Variants in DMD observed in about 807,000 individuals in gnomAD.
DMD encodes mutant dystrophin.
In DMD, 63 loss-of-function variants were observed where a neutral mutation model predicts 330.1. The ratio of observed to expected loss-of-function variants is 0.19; its 90% CI spans 0.16 to 0.24. DMD has a LOEUF of 0.24. Ranked by LOEUF, DMD falls within the 10% of genes least tolerant of loss-of-function variation. DMD has a pLI of 1.00. For synonymous variants in DMD, 1,223 were observed against 959.8 expected, an observed-to-expected ratio of 1.27 and a Z score of -5.07; for missense variants, 3,344 against 2,684.1, an observed-to-expected ratio of 1.25 and a Z score of -5.43.
At chrX:32,295,275 A>G (rs775974944) in intron 42 of DMD, among the ~76,000 whole-genome samples, 29 of 112,149 alleles carry the variant, frequency 2.6e-4, no homozygotes, top group African/African-American at 9.4e-4. Context: ...GGATATTTGC[A>G]TCTCTGATTC....
At chrX:32,657,845 G>A (rs1448310896) in intron 9 of DMD, among the ~76,000 whole-genome samples, 3 of 111,013 alleles carry the variant, frequency 2.7e-5, no homozygotes, top group African/African-American at 9.8e-5. Context: ...ACGTCTCATG[G>A]AAAAACACCA....
chrX:31,758,548 C>G (rs923826316), intron 51 of DMD, among the ~76,000 whole-genome samples: 1 of 111,286 alleles, frequency 9.0e-6, no homozygotes, highest in East Asian at 2.8e-4. Flanking sequence ...CTCTCTCTCT[C>G]TTTTTAAATT....
At chrX:33,124,500 A>AAAAAAAAAAAAAAAAAAAAAAC (rs2095448261) in intron 1 of DMD, among the ~76,000 whole-genome samples, 3 of 104,390 alleles carry the variant, frequency 2.9e-5, no homozygotes, top group African/African-American at 1.1e-4. Flanking sequence ...AAAAAAAAAA[A>AAAAAAAAAAAAAAAAAAAAAAC]AAAAAAAAAA....
chrX:33,147,592 A>C (rs2048095043), intron 1 of DMD, among the ~76,000 whole-genome samples: 1 of 111,968 alleles, frequency 8.9e-6, no homozygotes, highest in Admixed American at 9.5e-5. Context: ...GTAGAATAAC[A>C]CACACCAGGG....
At chrX:31,405,846 A>G (rs1309695306) in intron 60 of DMD, among the ~76,000 whole-genome samples, 2 of 112,022 alleles carry the variant, frequency 1.8e-5, no homozygotes, top group African/African-American at 6.5e-5. Flanking sequence ...CAGGTTCTCA[A>G]AAGTACTATT....
intron 33 of DMD, among the ~76,000 whole-genome samples, chrX:32,383,802 C>A (rs2097940641): frequency 9.1e-6 from 1 of 110,027 alleles, no homozygotes; most frequent in Non-Finnish European, 1.9e-5. Flanking sequence ...GAATAATAAT[C>A]AACTCAGGGC....
chrX:32,183,571 A>AATAT (rs34502416), intron 44 of DMD, among the ~76,000 whole-genome samples: 9 of 95,128 alleles, frequency 9.5e-5, no homozygotes, highest in African/African-American at 2.6e-4. Flanking sequence ...TATATATATA[A>AATAT]ATATATATAT....
intron 2 of DMD, among the ~76,000 whole-genome samples, chrX:33,018,615 GTTCAA>G (rs58459443): frequency 0.34 from 36,932 of 109,912 alleles, 5,142 homozygotes; most frequent in Non-Finnish European, 0.43. Flanking sequence ...AATTACTCTA[GTTCAA>G]TTCAAAGATT....
chrX:32,806,237 A>G (rs985772816), intron 7 of DMD, among the ~76,000 whole-genome samples: 1 of 111,975 alleles, frequency 8.9e-6, no homozygotes, highest in African/African-American at 3.3e-5. Flanking sequence ...GGATAGAGGA[A>G]TATTTACCAA....
At chrX:33,137,501 T>A (rs1463542718) in intron 1 of DMD, among the ~76,000 whole-genome samples, 1 of 112,231 alleles carries the variant, frequency 8.9e-6, no homozygotes, top group African/African-American at 3.2e-5. Context: ...ATTTTAACAT[T>A]TTTGGTAAAG....
Position 31,798,277 on chromosome X carries a change from A to AT in DMD, c.7309+21697dup, listed in dbSNP as rs112042134. Reference sequence around the variant, plus strand: ...CAGTGGGTTCAGGAAGAAGATGAGTATTTTTTTTTTTCAAAGCAAACAACG... The same window carrying AT: ...CAGTGGGTTCAGGAAGAAGATGAGTATTTTTTTTTTTTCAAAGCAAACAACG... On this transcript the variant is annotated intron_variant, in intron 50 of 78. Coordinates refer to ENST00000357033, the MANE Select transcript of DMD (RefSeq NM_004006.3). Among the ~76,000 whole-genome samples, 289 of 106,354 alleles carry AT rather than the reference A, an allele frequency of 2.7e-3. 1 individual carries two copies. The highest frequency in any genetic ancestry group is 8.1e-3 in the African/African-American group (237 of 29,378). 92.4% of individuals were successfully genotyped at this position (106,354 alleles called of 115,157 possible).
intron 60 of DMD, among the ~76,000 whole-genome samples, chrX:31,437,895 A>G (rs1045738368): frequency 1.0e-4 from 11 of 108,287 alleles, no homozygotes; most frequent in African/African-American, 3.3e-4. Context: ...TATATATAAC[A>G]TATACATATT....
rs556254307 is a variant in DMD, at chrX:31,946,069, A to G, written c.6615-13842T>C. Among the ~76,000 whole-genome samples, 5 of 112,173 alleles carry G rather than the reference A, an allele frequency of 4.5e-5. No individual in the cohort carries two copies. In the South Asian group the frequency reaches 1.5e-3, roughly 33 times the overall value. On this transcript the variant is annotated intron_variant, in intron 45 of 78. Transcript: ENST00000357033. ...AACTGAATATCTATCGGTCTTTTGA[A>G]TGGAGACATATGTTCTAAGAACAAA...
At chrX:31,222,090 G>A (rs753471072) in intron 64 of DMD, among the ~76,000 whole-genome samples, 5 of 111,082 alleles carry the variant, frequency 4.5e-5, no homozygotes, top group Admixed American at 1.9e-4. Flanking sequence ...CAGCTACTCC[G>A]GAGGCTGAGC....
At chrX:32,438,418 T>G (rs1435734840) in intron 28 of DMD, 28 bp from the exon 29 acceptor site, 1 of 1,200,118 alleles carries the variant, frequency 8.3e-7, no homozygotes, top group Admixed American at 2.2e-5. Flanking sequence ...TAATTACTAT[T>G]TCTCCTTTTT....
chrX:32,652,901 T>G (rs939992799), intron 9 of DMD, among the ~76,000 whole-genome samples: 14 of 112,412 alleles, frequency 1.2e-4, no homozygotes, highest in African/African-American at 4.2e-4. Context: ...TTTGCATTTC[T>G]CTGATGGCCA....
chrX:32,674,113 AG>A (rs1364237011), intron 9 of DMD, among the ~76,000 whole-genome samples: 1 of 112,117 alleles, frequency 8.9e-6, no homozygotes, highest in African/African-American at 3.2e-5. Flanking sequence ...AATGAACAGA[AG>A]GAAAAATCAC....
intron 1 of DMD, among the ~76,000 whole-genome samples, chrX:33,289,112 T>TA (rs748790037): frequency 5.4e-5 from 6 of 111,515 alleles, no homozygotes; most frequent in South Asian, 7.5e-4. Context: ...TTTTTTTAAT[T>TA]AAAAAAATCT....
At chrX:31,955,121 A>G (rs1745039956) in intron 45 of DMD, among the ~76,000 whole-genome samples, 1 of 111,013 alleles carries the variant, frequency 9.0e-6, no homozygotes, top group Non-Finnish European at 1.9e-5. Context: ...GGCTGCAGTG[A>G]ACTGTGATCA....
Sources: allele counts gnomAD v4.1 joint callset (sites outside exome capture counted in the v4.1 genomes callset), GRCh38; gene constraint gnomAD v4.1.1; transcripts MANE v1.5; gene names NCBI Gene and HGNC (gene_info 2026-07-23, HGNC 2026-07-21).